Variants in XRRA1 observed in about 807,000 individuals in gnomAD.
XRRA1 encodes X-ray radiation resistance-associated protein 1.
A neutral mutation model predicts 80.2 loss-of-function variants in XRRA1; 69 were observed. The observed-to-expected ratio is 0.86, with a 90% CI of 0.71 to 1.05. The LOEUF (loss-of-function observed/expected upper bound fraction) is 1.05. Ranked by LOEUF, XRRA1 falls within the 50% of genes least tolerant of loss-of-function variation. The probability of loss-of-function intolerance (pLI) is 0.00; values close to 1 mark genes in which losing one functional copy is unlikely to be tolerated. For missense variants in XRRA1, 967 were observed against 976.4 expected, an observed-to-expected ratio of 0.99 and a Z score of 0.13; for synonymous variants, 348 against 389.9, an observed-to-expected ratio of 0.89 and a Z score of 1.27.
intron 6 of XRRA1, 23 bp downstream of exon 6, chr11:74,930,277 C>A: frequency 6.5e-7 from 1 of 1,544,160 alleles, no homozygotes; most frequent in Middle Eastern, 1.7e-4. Context: ...AGGAAGAGAG[C>A]TTTCAAGAAA....
intron 1 of XRRA1, among the ~76,000 whole-genome samples, chr11:74,946,754 CTTTTTT>C (rs199664037): frequency 7.1e-6 from 1 of 141,606 alleles, no homozygotes; most frequent in Admixed American, 7.0e-5. Flanking sequence ...ACCTCTTTTT[CTTTTTT>C]TTTTTTTTTG....
At position 74,856,204 on chromosome 11, in the gene XRRA1, T is replaced by A. The variant is rs116413706; in HGVS notation, c.1170+2954A>T. On this transcript the variant is annotated intron_variant, in intron 12 of 18. Coordinates refer to ENST00000684022, the MANE Select transcript of XRRA1 (RefSeq NM_001378157.1). The stretch of plus-strand genomic sequence containing the variant: ...AGCACCTATCATGTATCAGGTAATA[T>A]TCTAGATAATGAGCATATAAGATGT... Among the ~76,000 whole-genome samples, 714 of 152,304 alleles carry A rather than the reference T, an allele frequency of 4.7e-3. 7 individuals carry two copies. Among genetic ancestry groups the A allele is most frequent in the African/African-American group, 0.016 (675 of 41,556 alleles).
rs1173798850 is a variant in XRRA1 at position 74,907,235 on chromosome 11, A to G, written c.695T>C (p.Ile232Thr). Residue 232 changes from isoleucine to threonine, a missense_variant, in exon 9 of 19, where the codon ATC (isoleucine) becomes ACC (threonine). Ile to Thr is a moderately conservative substitution (Grantham distance 89). Coordinates refer to ENST00000684022, the MANE Select transcript of XRRA1 (RefSeq NM_001378157.1). Reference sequence around the variant, plus strand: ...TGTCTCCAGCGCTGGGAACCTCAGGATGTACCTCTTGCTTGTCAGCGATGT... The same window carrying G: ...TGTCTCCAGCGCTGGGAACCTCAGGGTGTACCTCTTGCTTGTCAGCGATGT... Reference protein sequence around the residue: ...SVTSLTSKRYILRFPALETLM... With the variant: ...SVTSLTSKRYTLRFPALETLM... The G allele has an allele frequency of 6.2e-7, 1 of 1,613,984 alleles. No homozygotes were observed. The highest frequency in any genetic ancestry group is 1.1e-5 in the South Asian group (1 of 91,076).
At chr11:74,942,765 G>T (rs1161000302) in intron 2 of XRRA1, among the ~76,000 whole-genome samples, 1 of 152,208 alleles carries the variant, frequency 6.6e-6, no homozygotes, top group Non-Finnish European at 1.5e-5. Context: ...CTGTTTTGAT[G>T]ATTACAGGAG....
chr11:74,870,647 C>G (rs1306398119), intron 10 of XRRA1, among the ~76,000 whole-genome samples: 3 of 152,168 alleles, frequency 2.0e-5, no homozygotes, highest in Non-Finnish European at 1.5e-5. Flanking sequence ...CTCTGGAGAT[C>G]ACATGGTATT....
chr11:74,869,595 G>A (rs564313288), intron 10 of XRRA1, among the ~76,000 whole-genome samples: 10 of 152,308 alleles, frequency 6.6e-5, no homozygotes, highest in African/African-American at 2.4e-4. Context: ...AAAGGGATGG[G>A]CAACATGGTG....
intron 3 of XRRA1, among the ~76,000 whole-genome samples, chr11:74,938,386 C>T (rs1282955989): frequency 6.6e-6 from 1 of 152,208 alleles, no homozygotes; most frequent in Non-Finnish European, 1.5e-5. Context: ...TCCTGGGGAC[C>T]TCAGTCTGAG....
chr11:74,879,336 G>C (rs1024727176), intron 10 of XRRA1, among the ~76,000 whole-genome samples: 3 of 152,126 alleles, frequency 2.0e-5, no homozygotes, highest in African/African-American at 4.8e-5. Context: ...CTTTGCTGAA[G>C]TTGCTTATCA....
At chr11:74,934,928 T>C (rs903209036) in intron 4 of XRRA1, among the ~76,000 whole-genome samples, 7 of 152,102 alleles carry the variant, frequency 4.6e-5, no homozygotes, top group African/African-American at 1.4e-4. Flanking sequence ...ATGTACCAGA[T>C]TGGTTAATTA....
Position 74,848,469 on chromosome 11 carries a change from TGGA to T in XRRA1, c.1381-10_1381-8del, listed in dbSNP as rs779758779. On this transcript the variant is annotated splice_polypyrimidine_tract_variant and splice_region_variant and intron_variant, in intron 14 of 18. Transcript: ENST00000684022. ...TTGGGATTTCGCTTTTCACCTGTCA[TGGA>T]GAAGGGCCAGAATGAATTTGCTTCC... 8 of 1,597,690 alleles carry T rather than the reference TGGA, an allele frequency of 5.0e-6. No individual in the cohort carries two copies. Among genetic ancestry groups the T allele is most frequent in the Non-Finnish European group, 6.8e-6 (8 of 1,170,122 alleles).
At chr11:74,894,611 C>A (rs772697055) in intron 10 of XRRA1, among the ~76,000 whole-genome samples, 18 of 152,140 alleles carry the variant, frequency 1.2e-4, no homozygotes, top group Non-Finnish European at 2.5e-4. Flanking sequence ...ACATAACTAT[C>A]AGATCTAATG....
intron 8 of XRRA1, among the ~76,000 whole-genome samples, chr11:74,914,319 TG>T (rs1276958618): frequency 1.3e-5 from 2 of 152,216 alleles, no homozygotes; most frequent in Non-Finnish European, 2.9e-5. Flanking sequence ...ATAAAATATT[TG>T]GTGCTGTTCT....
intron 12 of XRRA1, among the ~76,000 whole-genome samples, chr11:74,855,201 A>G (rs2040797626): frequency 6.6e-6 from 1 of 152,192 alleles, no homozygotes; most frequent in African/African-American, 2.4e-5. Context: ...GGATGAACCT[A>G]AAAAGGTGCC....
At chr11:74,867,213 C>T (rs978999484) in intron 10 of XRRA1, among the ~76,000 whole-genome samples, 3 of 152,126 alleles carry the variant, frequency 2.0e-5, no homozygotes, top group African/African-American at 7.2e-5. Flanking sequence ...CACTAGTTCT[C>T]CAGCAATGGT....
intron 10 of XRRA1, among the ~76,000 whole-genome samples, chr11:74,872,467 C>T (rs752703453): frequency 1.3e-5 from 2 of 152,098 alleles, no homozygotes; most frequent in African/African-American, 2.4e-5. Context: ...AGAGGAAACG[C>T]GAGAGAAGGC....
rs2036471714 is a variant in XRRA1 at position 74,841,101 on chromosome 11, T to C, written c.*2099A>G. The C allele has an allele frequency of 6.6e-6, 1 of 152,218 alleles. No individual in the cohort carries two copies. Among genetic ancestry groups the C allele is most frequent in the African/African-American group, 2.4e-5 (1 of 41,454 alleles). The allele number at this position is 152,218 out of a possible 1,614,324, so 9.4% of individuals were successfully genotyped here. On this transcript the variant is annotated 3_prime_UTR_variant, in exon 19 of 19. Coordinates refer to ENST00000684022, the MANE Select transcript of XRRA1 (RefSeq NM_001378157.1). ...GGAAAGTGATATATTTTGATTGGAA[T>C]AATTTTAATTAAATTTAATGATTTT...
intron 10 of XRRA1, among the ~76,000 whole-genome samples, chr11:74,871,266 A>C (rs1005838377): frequency 1.1e-4 from 16 of 152,178 alleles, no homozygotes; most frequent in Admixed American, 4.6e-4. Context: ...GCACCTTTTA[A>C]CAGATGCCGA....
chr11:74,860,396 G>C (rs140200577), intron 11 of XRRA1, among the ~76,000 whole-genome samples: 1 of 152,332 alleles, frequency 6.6e-6, no homozygotes, highest in Non-Finnish European at 1.5e-5. Context: ...TGAACTGAAG[G>C]GGGTAAGTCA....
chr11:74,859,360 T>C, intron 11 of XRRA1, 77 bp from the exon 12 acceptor site: 1 of 1,454,710 alleles, frequency 6.9e-7, no homozygotes, highest in East Asian at 2.6e-5. Flanking sequence ...ACCCTTTCAA[T>C]GGAACAGGGT....
Sources: allele counts gnomAD v4.1 joint callset (sites outside exome capture counted in the v4.1 genomes callset), GRCh38; gene constraint gnomAD v4.1.1; transcripts MANE v1.5; gene names NCBI Gene and HGNC (gene_info 2026-07-23, HGNC 2026-07-21).